PRKDC: variants seen among roughly 807,000 people sequenced by gnomAD.
PRKDC encodes the protein DNA-dependent protein kinase catalytic subunit.
In PRKDC, 82 loss-of-function variants were observed where a neutral mutation model predicts 486.9. The ratio of observed to expected loss-of-function variants is 0.17; its 90% CI spans 0.14 to 0.20. The LOEUF (loss-of-function observed/expected upper bound fraction) is 0.20, where lower values mean the gene tolerates loss of function less well. Ranked by LOEUF, PRKDC falls within the 10% of genes least tolerant of loss-of-function variation. The probability of loss-of-function intolerance (pLI) is 1.00; values close to 1 mark genes in which losing one functional copy is unlikely to be tolerated. For missense variants in PRKDC, 4,504 were observed against 5,038.2 expected (o/e 0.89, Z 3.21); for synonymous variants, 1,895 against 1,837.0 (o/e 1.03, Z -0.81).
intron 18 of PRKDC, among the ~76,000 whole-genome samples, chr8:47,929,493 T>C (rs565040728): frequency 1.2e-4 from 18 of 152,324 alleles, no homozygotes; most frequent in African/African-American, 4.3e-4. Flanking sequence ...ATCCAGTTGT[T>C]CTCAAACTTC....
chr8:47,872,755 T>C (rs984934986), intron 40 of PRKDC, among the ~76,000 whole-genome samples: 1 of 152,130 alleles, frequency 6.6e-6, no homozygotes, highest in Admixed American at 6.5e-5. Flanking sequence ...TGTAAATATA[T>C]ATGCACCGGT....
chr8:47,835,827 A>G (rs1360902176), intron 58 of PRKDC, among the ~76,000 whole-genome samples: 1 of 150,976 alleles, frequency 6.6e-6, no homozygotes, highest in African/African-American at 2.4e-5. Flanking sequence ...CAGTGGCGTG[A>G]TCACAGATCA....
At chr8:47,784,687 T>C (rs2086761361) in intron 77 of PRKDC, among the ~76,000 whole-genome samples, 1 of 152,142 alleles carries the variant, frequency 6.6e-6, no homozygotes, top group African/African-American at 2.4e-5. Context: ...GTCAGTGACT[T>C]ATCATTAACT....
intron 63 of PRKDC, among the ~76,000 whole-genome samples, chr8:47,825,927 T>C (rs1270841134): frequency 1.3e-5 from 2 of 152,248 alleles, no homozygotes; most frequent in African/African-American, 4.8e-5. Context: ...CTGTGATCAA[T>C]GTCTAATCCA....
chr8:47,808,462 TATTAA>T (rs1423708630), intron 68 of PRKDC, among the ~76,000 whole-genome samples: 1 of 152,028 alleles, frequency 6.6e-6, no homozygotes, highest in East Asian at 1.9e-4. Context: ...TCTAGGTTGC[TATTAA>T]ATTATTATTA....
chr8:47,856,033 T>C (rs1469247418), intron 49 of PRKDC, among the ~76,000 whole-genome samples: 1 of 152,238 alleles, frequency 6.6e-6, no homozygotes, highest in East Asian at 1.9e-4. Flanking sequence ...CACTGACAGC[T>C]ACATCAATCT....
chr8:47,905,851 A>G (rs2089771248), intron 25 of PRKDC, among the ~76,000 whole-genome samples: 1 of 152,074 alleles, frequency 6.6e-6, no homozygotes, highest in Non-Finnish European at 1.5e-5. Context: ...AAAATCCAAG[A>G]TGTCTCCAGG....
At chr8:47,853,315 A>C (rs2088456838) in intron 51 of PRKDC, among the ~76,000 whole-genome samples, 1 of 152,236 alleles carries the variant, frequency 6.6e-6, no homozygotes, top group South Asian at 2.1e-4. Context: ...GGCTGCCGCG[A>C]AGCTGGCTGC....
chr8:47,778,570 G>A lies in PRKDC; in HGVS notation c.11742C>T (p.Ser3914=), dbSNP rs745745511. The A allele has an allele frequency of 3.1e-6, 5 of 1,613,704 alleles. No individual in the cohort carries two copies. The South Asian group carries it at 3.3e-5, about 11-fold the overall frequency. ...TGTCTCCAATCCCGAGGATCCAGTG[G>A]CTGATGCATATCAGAGCGTGAGAGC... The part of the protein sequence containing the change: ...FASSHALICI[S]HWILGIGDRH... The change falls in exon 83 of 86, where the codon AGC becomes AGT. Residue 3914 remains serine (S), a synonymous_variant. Transcript: ENST00000314191.
In PRKDC at chr8:47,927,357, T is replaced by C. The variant is rs748443766; in HGVS notation, c.2260-4A>G. On this transcript the variant is annotated splice_polypyrimidine_tract_variant and splice_region_variant and intron_variant, in intron 20 of 85. Coordinates refer to ENST00000314191, the MANE Select transcript of PRKDC (RefSeq NM_006904.7). Reference sequence around the variant, plus strand: ...TCAGGCCCAGTTTGAAAGCCATCTGTATGTTAATACAAACAAGTTAAACTG... The same window carrying C: ...TCAGGCCCAGTTTGAAAGCCATCTGCATGTTAATACAAACAAGTTAAACTG... 2.5e-6 allele frequency: 4 copies of C among 1,607,254 alleles called. No homozygotes were observed. In the African/African-American group the frequency reaches 5.4e-5, roughly 22 times the overall value.
chr8:47,779,912 CTTTTTTTTTTTT>C (rs925534980), intron 80 of PRKDC, among the ~76,000 whole-genome samples: 11 of 107,066 alleles, frequency 1.0e-4, no homozygotes, highest in Non-Finnish European at 1.5e-4. Flanking sequence ...TTTGTTTTGT[CTTTTTTTTTTTT>C]TTTTTTTTGA....
chr8:47,948,045 T>C lies in PRKDC; in HGVS notation c.722-4016A>G, dbSNP rs998855636. On this transcript the variant is annotated intron_variant, in intron 7 of 85. Coordinates refer to ENST00000314191, the MANE Select transcript of PRKDC (RefSeq NM_006904.7). ...ATGCAGTGAGCCCATATCACAGCAC[T>C]GCACTACAGCCTGGATAACAAAGTG... Among the ~76,000 whole-genome samples the C allele has an allele frequency of 4.0e-5, 6 of 151,654 alleles. 1 individual carries two copies. The highest frequency in any genetic ancestry group is 7.4e-5 in the Non-Finnish European group (5 of 67,948).
At chr8:47,779,622 G>A (rs1173854657) in intron 80 of PRKDC, among the ~76,000 whole-genome samples, 14 of 152,192 alleles carry the variant, frequency 9.2e-5, no homozygotes, top group South Asian at 6.2e-4. Flanking sequence ...TGGGAGTCTA[G>A]CTCTGTCGCC....
chr8:47,868,060 T>C (rs918995974), intron 40 of PRKDC, among the ~76,000 whole-genome samples: 1 of 152,156 alleles, frequency 6.6e-6, no homozygotes, highest in African/African-American at 2.4e-5. Flanking sequence ...GCGTATAATG[T>C]TTTGTGGGTG....
chr8:47,958,335 G>A (rs1035005115), intron 1 of PRKDC, among the ~76,000 whole-genome samples: 2 of 152,174 alleles, frequency 1.3e-5, no homozygotes, highest in African/African-American at 4.8e-5. Flanking sequence ...CTCCCCAAGA[G>A]CCTTCAGAAA....
intron 22 of PRKDC, among the ~76,000 whole-genome samples, chr8:47,917,824 A>C (rs1482699083): frequency 6.6e-6 from 1 of 152,182 alleles, no homozygotes; most frequent in Non-Finnish European, 1.5e-5. Flanking sequence ...AAAACAGTTA[A>C]TATAGTTTAT....
In PRKDC at chr8:47,913,952, G is replaced by A. The variant is rs575267352; in HGVS notation, c.2730C>T (p.Phe910=). ...EMKPVIFLDV[F]LPRVTELALT... ...GCGCTAATTCTGTGACTCGAGGCAG[G>A]AACACATCCAGGAAAATGACAGGTT... The change falls in exon 24 of 86, where the codon TTC becomes TTT. Residue 910 remains phenylalanine, a synonymous_variant. Coordinates refer to ENST00000314191, the MANE Select transcript of PRKDC (RefSeq NM_006904.7). 5.9e-5 allele frequency: 95 copies of A among 1,612,068 alleles called. No individual in the cohort carries two copies. Among genetic ancestry groups the A allele is most frequent in the Middle Eastern group, 3.3e-4 (2 of 6,056 alleles).
chr8:47,881,637 AAT>A (rs2154501504), intron 37 of PRKDC, 117 bp from the exon 38 acceptor site: 1 of 659,844 alleles, frequency 1.5e-6, no homozygotes, highest in Admixed American at 3.4e-5. Flanking sequence ...TTTGGGCTTC[AAT>A]AATATTTTCA....
At chr8:47,934,622 T>C (rs2090316634) in intron 14 of PRKDC, among the ~76,000 whole-genome samples, 1 of 152,204 alleles carries the variant, frequency 6.6e-6, no homozygotes, top group South Asian at 2.1e-4. Flanking sequence ...AGTACTTCAA[T>C]ACAATATCCA....
Sources: gnomAD v4.1 joint callset for allele counts (sites outside exome capture counted in the v4.1 genomes callset) on GRCh38, gnomAD v4.1.1 for gene constraint, MANE v1.5 for transcripts, NCBI Gene and HGNC (gene_info 2026-07-23, HGNC 2026-07-21) for gene names.